ELMOD1: variants seen among roughly 807,000 people sequenced by gnomAD.
ELMOD1 encodes ELMO domain containing 1, also known as ELMO domain-containing protein 1.
ELMOD1 carries 21 observed loss-of-function variants against 46.7 expected under a neutral mutation model. The observed-to-expected ratio is 0.45, with a 90% confidence interval of 0.32 to 0.65. The LOEUF is 0.65. Ranked by LOEUF, ELMOD1 falls within the 30% of genes least tolerant of loss-of-function variation. The probability of loss-of-function intolerance (pLI) is 0.04; values close to 1 mark genes in which losing one functional copy is unlikely to be tolerated. For synonymous variants in ELMOD1, 122 were observed against 138.2 expected (o/e 0.88, Z 0.82); for missense variants, 348 against 407.8 (o/e 0.85, Z 1.26).
chr11:107,623,609 C>CT (rs1366498064), intron 2 of ELMOD1: 1 of 152,294 alleles, frequency 6.6e-6, no homozygotes, highest in African/African-American at 2.4e-5. Context: ...GTGGAGCTGG[C>CT]TTTCCTGTCC....
chr11:107,636,580 T>C (rs895010893), intron 6 of ELMOD1, among the ~76,000 whole-genome samples: 3 of 152,220 alleles, frequency 2.0e-5, no homozygotes, highest in African/African-American at 7.2e-5. Context: ...TAAGAAAACA[T>C]TTGTTTAGCT....
chr11:107,630,793 A>T (rs1331695822), intron 4 of ELMOD1, 65 bp downstream of exon 4: 1 of 1,518,566 alleles, frequency 6.6e-7, no homozygotes, highest in African/African-American at 1.4e-5. Flanking sequence ...CATAAGAAGT[A>T]AAAATTCTAA....
intron 11 of ELMOD1, among the ~76,000 whole-genome samples, chr11:107,662,578 C>G (rs1409934035): frequency 2.0e-5 from 3 of 151,120 alleles, no homozygotes; most frequent in Non-Finnish European, 4.4e-5. Flanking sequence ...CCATTGCACT[C>G]CAGCCTGGGC....
chr11:107,606,199 T>A (rs1364365546), intron 1 of ELMOD1, among the ~76,000 whole-genome samples: 1 of 152,224 alleles, frequency 6.6e-6, no homozygotes, highest in East Asian at 1.9e-4. Flanking sequence ...TCTAACGACA[T>A]ATGAAGCAGG....
At chr11:107,614,017 A>G (rs916827194) in intron 1 of ELMOD1, among the ~76,000 whole-genome samples, 1 of 152,194 alleles carries the variant, frequency 6.6e-6, no homozygotes, top group Non-Finnish European at 1.5e-5. Flanking sequence ...ATCCCCAAAT[A>G]TGCTTCTCCA....
rs746890763 is a variant in ELMOD1, at chr11:107,655,573, C to CTTTTTTTTTTTTTTTTTTTTTTTTTT, written c.699-345_699-344insTTTTTTTTTTTTTTTTTTTTTTTTTT. ...ATCAGATTACCCATTATTGAAATGC[C>CTTTTTTTTTTTTTTTTTTTTTTTTTT]TTTTTTTTTTTTTTTGTAAAGTGAA... On this transcript the variant is annotated intron_variant, in intron 10 of 11. Transcript: ENST00000265840. Among the ~76,000 whole-genome samples, 3 of 112,470 alleles carry CTTTTTTTTTTTTTTTTTTTTTTTTTT rather than the reference C, an allele frequency of 2.7e-5. 1 individual carries two copies. The highest frequency in any genetic ancestry group is 5.1e-5 in the Non-Finnish European group (3 of 58,686). The allele number at this position is 112,470 out of a possible 152,430, so 73.8% of individuals were successfully genotyped here.
chr11:107,638,023 C>T (rs894930862), intron 6 of ELMOD1, among the ~76,000 whole-genome samples: 6 of 152,174 alleles, frequency 3.9e-5, no homozygotes, highest in African/African-American at 1.4e-4. Flanking sequence ...GAAGCTACAG[C>T]TCCTGTATCC....
Position 107,618,174 on chromosome 11 carries a change from A to G in ELMOD1, c.-16A>G, listed in dbSNP as rs774088850. 6 of 1,566,774 alleles carry G rather than the reference A, an allele frequency of 3.8e-6. No homozygotes were observed. The highest frequency in any genetic ancestry group is 5.2e-6 in the Non-Finnish European group (6 of 1,154,760). On this transcript the variant is annotated 5_prime_UTR_variant, in exon 2 of 12. Coordinates refer to ENST00000265840, the MANE Select transcript of ELMOD1 (RefSeq NM_018712.4). ...AGGACAGTTCATATAGCATCTGGAC[A>G]GTCAACACGGGCACCATGAAGCACT...
chr11:107,625,270 G>T, intron 2 of ELMOD1: 1 of 488,974 alleles, frequency 2.0e-6, no homozygotes, highest in Non-Finnish European at 2.7e-6. Context: ...ACATTGAGCC[G>T]CTTGCTCTTC....
intron 2 of ELMOD1, among the ~76,000 whole-genome samples, chr11:107,618,855 G>T (rs752325064): frequency 3.3e-5 from 5 of 152,148 alleles, no homozygotes; most frequent in Admixed American, 6.6e-5. Flanking sequence ...CTGTCATTCA[G>T]TTGTCTATTA....
chr11:107,661,375 A>C (rs72992621), intron 11 of ELMOD1, among the ~76,000 whole-genome samples: 5 of 152,380 alleles, frequency 3.3e-5, no homozygotes, highest in African/African-American at 4.8e-5. Context: ...ACATTGTAGA[A>C]AGGTGAACAT....
At chr11:107,621,457 T>C (rs578106054) in intron 2 of ELMOD1, among the ~76,000 whole-genome samples, 1 of 152,394 alleles carries the variant, frequency 6.6e-6, no homozygotes, top group Admixed American at 6.5e-5. Context: ...ACTTGATTAA[T>C]ATCTTGGTCC....
chr11:107,595,881 A>G (rs1865484565), intron 1 of ELMOD1, among the ~76,000 whole-genome samples: 1 of 152,186 alleles, frequency 6.6e-6, no homozygotes, highest in South Asian at 2.1e-4. Flanking sequence ...TTTATTCTCA[A>G]TGAAAGTAGA....
intron 1 of ELMOD1, among the ~76,000 whole-genome samples, chr11:107,610,554 C>G (rs1401972990): frequency 1.3e-5 from 2 of 151,442 alleles, no homozygotes; most frequent in Non-Finnish European, 2.9e-5. Context: ...ATCTGAGCTA[C>G]TCGGGAGGCT....
At chr11:107,643,771 T>A in intron 6 of ELMOD1, 1 of 445,986 alleles carries the variant, frequency 2.2e-6, no homozygotes, top group Admixed American at 2.5e-5. Context: ...TTGCGTATAC[T>A]GCTGAACAGC....
chr11:107,607,237 G>A (rs1319900618), intron 1 of ELMOD1, among the ~76,000 whole-genome samples: 2 of 152,156 alleles, frequency 1.3e-5, no homozygotes, highest in Non-Finnish European at 2.9e-5. Flanking sequence ...CATACTGTCA[G>A]ACCATTCAAG....
intron 2 of ELMOD1, among the ~76,000 whole-genome samples, chr11:107,626,453 A>C (rs1214180690): frequency 6.6e-6 from 1 of 151,804 alleles, no homozygotes; most frequent in African/African-American, 2.4e-5. Flanking sequence ...AAAATCCTTA[A>C]ACTCAAATAA....
At chr11:107,625,881 T>C (rs966008021) in intron 2 of ELMOD1, among the ~76,000 whole-genome samples, 3 of 152,188 alleles carry the variant, frequency 2.0e-5, no homozygotes, top group African/African-American at 7.2e-5. Context: ...TATTATTGAA[T>C]CAGATTCTCC....
chr11:107,635,118 C>A (rs745868857), intron 5 of ELMOD1, among the ~76,000 whole-genome samples: 32 of 152,148 alleles, frequency 2.1e-4, no homozygotes, highest in Non-Finnish European at 3.1e-4. Flanking sequence ...TTCCTTGAAG[C>A]CCTTAAGGGC....
Sources: gnomAD v4.1 joint callset for allele counts (sites outside exome capture counted in the v4.1 genomes callset) on GRCh38, gnomAD v4.1.1 for gene constraint, MANE v1.5 for transcripts, NCBI Gene and HGNC (gene_info 2026-07-23, HGNC 2026-07-21) for gene names.